Variants in CLASP2 observed in about 807,000 individuals in gnomAD.
CLASP2 encodes the protein CLIP-associating protein 2.
A neutral mutation model predicts 194.4 loss-of-function variants in CLASP2; 47 were observed. The ratio of observed to expected loss-of-function variants is 0.24; its 90% CI spans 0.19 to 0.31. The LOEUF is 0.31. CLASP2 is among the 10% of genes least tolerant of loss of function. The pLI, the probability that CLASP2 is intolerant of heterozygous loss-of-function variation, is 1.00. For synonymous variants in CLASP2, 619 were observed against 633.5 expected (o/e 0.98, Z 0.34); for missense variants, 1,445 against 1,823.6 (o/e 0.79, Z 3.78).
chr3:33,710,350 T>C (rs2092938762), intron 1 of CLASP2, among the ~76,000 whole-genome samples: 1 of 152,204 alleles, frequency 6.6e-6, no homozygotes, highest in Non-Finnish European at 1.5e-5. Context: ...TTTTTAATTA[T>C]TATCATAAGC....
intron 12 of CLASP2, among the ~76,000 whole-genome samples, chr3:33,616,374 G>GA (rs952621497): frequency 6.6e-6 from 1 of 151,648 alleles, no homozygotes; most frequent in African/African-American, 2.4e-5. Flanking sequence ...TGTAAAACAG[G>GA]AAAAAAAATT....
intron 19 of CLASP2, 38 bp downstream of exon 19, chr3:33,596,673 T>A: frequency 6.8e-7 from 1 of 1,470,620 alleles, no homozygotes; most frequent in Non-Finnish European, 9.3e-7. Flanking sequence ...CCAGGTTCCA[T>A]AAAAATCTTT....
chr3:33,639,421 T>C lies in CLASP2; in HGVS notation c.862+5336A>G, dbSNP rs1475058457. On this transcript the variant is annotated intron_variant, in intron 8 of 38. Coordinates refer to ENST00000682230, the MANE Select transcript of CLASP2 (RefSeq NM_001365631.1). The stretch of plus-strand genomic sequence containing the variant: ...AGTAAGCTCTATATACAAATGTAAA[T>C]AGAAACAGTAACATCCATAGAAAGG... Among the ~76,000 whole-genome samples, 33 of 152,146 alleles carry C rather than the reference T, an allele frequency of 2.2e-4. 1 individual carries two copies. The highest frequency in any genetic ancestry group is 2.0e-3 in the Admixed American group (31 of 15,266).
intron 23 of CLASP2, among the ~76,000 whole-genome samples, chr3:33,578,523 A>G (rs2065368504): frequency 2.6e-5 from 4 of 152,244 alleles, no homozygotes; most frequent in Admixed American, 2.6e-4. Context: ...TTTGTTTGCT[A>G]CAGGACAGCC....
chr3:33,604,372 T>C (rs995086268), intron 16 of CLASP2, among the ~76,000 whole-genome samples, 163 bp from the exon 17 acceptor site: 1 of 151,606 alleles, frequency 6.6e-6, no homozygotes, highest in Non-Finnish European at 1.5e-5. Context: ...GGCTACAGTG[T>C]AGTCCCATAA....
At chr3:33,626,149 T>C (rs928021158) in intron 10 of CLASP2, among the ~76,000 whole-genome samples, 7 of 152,118 alleles carry the variant, frequency 4.6e-5, no homozygotes, top group Non-Finnish European at 8.8e-5. Context: ...TTAAGATATG[T>C]AGACTTCCTA....
intron 12 of CLASP2, among the ~76,000 whole-genome samples, chr3:33,615,596 C>T (rs375147317): frequency 2.7e-5 from 4 of 149,920 alleles, no homozygotes; most frequent in Non-Finnish European, 4.4e-5. Flanking sequence ...ACTTGAATAA[C>T]GTAAATAAAA....
intron 21 of CLASP2, among the ~76,000 whole-genome samples, chr3:33,586,064 G>A (rs1280667829): frequency 1.3e-5 from 2 of 152,040 alleles, no homozygotes; most frequent in African/African-American, 4.8e-5. Flanking sequence ...GTGACATTCT[G>A]GGTTATAGAA....
rs962854814 is a variant in CLASP2 at position 33,696,353 on chromosome 3, CTTTTTTTTTTT to C, written c.274+491_274+501del. ...CCAGTAAAAACAATTTTCTTTCTTT[CTTTTTTTTTTT>C]TTTTTTTTTTTTTTGCCTCAAAGGT... On this transcript the variant is annotated intron_variant, in intron 2 of 38. Transcript: ENST00000682230. Among the ~76,000 whole-genome samples, 133 of 52,738 alleles carry C rather than the reference CTTTTTTTTTTT, an allele frequency of 2.5e-3. 1 individual carries two copies. The highest frequency in any genetic ancestry group is 3.3e-3 in the Non-Finnish European group (101 of 30,212). The allele number at this position is 52,738 out of a possible 152,430, so 34.6% of individuals were successfully genotyped here.
intron 25 of CLASP2, 114 bp downstream of exon 25, chr3:33,572,996 T>C (rs996625512): frequency 1.1e-5 from 13 of 1,213,894 alleles, no homozygotes; most frequent in African/African-American, 1.5e-5. Flanking sequence ...AGCAACCATA[T>C]GAATTCAGGA....
rs1176387215 is a variant in CLASP2, at chr3:33,656,016, T to G, written c.715+7429A>C. Among the ~76,000 whole-genome samples, 5 of 152,288 alleles carry G rather than the reference T, an allele frequency of 3.3e-5. No homozygotes were observed. In the East Asian group the frequency reaches 5.8e-4, roughly 18 times the overall value. ...GACTGCAGGGCTCAGCACCACATAA[T>G]AATCCTACAGGTTTTTAACTCTATC... is the stretch of plus-strand genomic sequence containing the variant. On this transcript the variant is annotated intron_variant, in intron 7 of 38. Transcript: ENST00000682230.
intron 12 of CLASP2, among the ~76,000 whole-genome samples, chr3:33,616,198 G>A (rs1013951006): frequency 6.6e-6 from 1 of 152,014 alleles, no homozygotes; most frequent in African/African-American, 2.4e-5. Flanking sequence ...CTGGGTGCAG[G>A]AGCTCACACT....
chr3:33,717,546 C>G (rs1013713037), intron 1 of CLASP2, among the ~76,000 whole-genome samples: 1 of 152,124 alleles, frequency 6.6e-6, no homozygotes, highest in Non-Finnish European at 1.5e-5. Flanking sequence ...CCTGCCTCAG[C>G]CTCCTGGGTA....
At chr3:33,612,296 C>A (rs908013172) in intron 12 of CLASP2, among the ~76,000 whole-genome samples, 2 of 152,058 alleles carry the variant, frequency 1.3e-5, no homozygotes, top group South Asian at 4.1e-4. Flanking sequence ...TATGATCTAA[C>A]AAAGAAAAGT....
chr3:33,568,802 C>T (rs1013028995), intron 26 of CLASP2, among the ~76,000 whole-genome samples: 1 of 151,770 alleles, frequency 6.6e-6, no homozygotes, highest in Non-Finnish European at 1.5e-5. Context: ...AAGAAGATAT[C>T]AAAAAAAGTT....
chr3:33,640,253 T>C (rs569333374), intron 8 of CLASP2, among the ~76,000 whole-genome samples: 1 of 152,314 alleles, frequency 6.6e-6, no homozygotes, highest in East Asian at 1.9e-4. Context: ...GTGATCTTTA[T>C]TTGGTCAAAA....
At chr3:33,713,461 T>C (rs1235029155) in intron 1 of CLASP2, among the ~76,000 whole-genome samples, 1 of 152,180 alleles carries the variant, frequency 6.6e-6, no homozygotes, top group African/African-American at 2.4e-5. Flanking sequence ...GCAACATCAA[T>C]ATGTATTAAT....
Position 33,603,097 on chromosome 3 carries a change from G to T in CLASP2, c.1779C>A (p.Ser593=). The stretch of plus-strand genomic sequence containing the variant: ...GTGAACGCTGCAGGCTTCCTGGAAG[G>T]GAACTGGCTTTGCTGCTGCCTGCTG... ...RVSAGSSKAS[S]LPGSLQRSRS... is the part of the protein sequence containing the mutation. The change falls in exon 18 of 39, where the codon TCC becomes TCA. Residue 593 remains serine, a synonymous_variant. Transcript: ENST00000682230. 1 of 1,586,130 alleles carries T rather than the reference G, an allele frequency of 6.3e-7. No homozygotes were observed. The highest frequency in any genetic ancestry group is 2.3e-5 in the East Asian group (1 of 43,854).
chr3:33,700,806 C>T (rs560329864), intron 1 of CLASP2, among the ~76,000 whole-genome samples: 70 of 152,264 alleles, frequency 4.6e-4, no homozygotes, highest in Non-Finnish European at 8.1e-4. Flanking sequence ...GCTGAGATCG[C>T]GCCATTGCAC....
Sources: gnomAD v4.1 joint callset for allele counts (sites outside exome capture counted in the v4.1 genomes callset) on GRCh38, gnomAD v4.1.1 for gene constraint, MANE v1.5 for transcripts, NCBI Gene and HGNC (gene_info 2026-07-23, HGNC 2026-07-21) for gene names.